The following SMAP1 variants were observed in gnomAD, a reference collection of about 807,000 sequenced individuals.
The protein encoded by SMAP1 is small ArfGAP 1.
In SMAP1, 24 loss-of-function variants were observed where a neutral mutation model predicts 58.5. That is an observed-to-expected ratio of 0.41 (90% CI 0.30 to 0.58). The LOEUF is 0.58. SMAP1 is among the 20% of genes least tolerant of loss of function. The pLI is 0.29. For missense variants in SMAP1, 563 were observed against 566.3 expected (o/e 0.99, Z 0.06); for synonymous variants, 216 against 196.6 (o/e 1.10, Z -0.82).
intron 1 of SMAP1, among the ~76,000 whole-genome samples, chr6:70,698,231 C>G (rs1271593191): frequency 6.6e-6 from 1 of 152,144 alleles, no homozygotes; most frequent in Non-Finnish European, 1.5e-5. Flanking sequence ...ATATCACTTT[C>G]TCCTGGCCTG....
chr6:70,833,124 T>G (rs546403621), intron 6 of SMAP1, among the ~76,000 whole-genome samples: 9 of 152,306 alleles, frequency 5.9e-5, no homozygotes, highest in Admixed American at 5.2e-4. Flanking sequence ...AAAGATTAAG[T>G]ATTTGTTACT....
At chr6:70,728,735 A>G (rs1765290168) in intron 1 of SMAP1, among the ~76,000 whole-genome samples, 1 of 152,362 alleles carries the variant, frequency 6.6e-6, no homozygotes, top group East Asian at 1.9e-4. Flanking sequence ...ATAATCTAAT[A>G]TAGAGGAAAA....
intron 1 of SMAP1, among the ~76,000 whole-genome samples, chr6:70,686,093 A>G (rs888447400): frequency 2.6e-5 from 4 of 151,930 alleles, no homozygotes; most frequent in African/African-American, 9.7e-5. Flanking sequence ...TGATTTTTGT[A>G]TTTTTTTGGT....
rs551121692 is a variant in SMAP1, at chr6:70,781,827, T to A, written c.414+8402T>A. On this transcript the variant is annotated intron_variant, in intron 4 of 10. Transcript: ENST00000370455. Reference sequence around the variant, plus strand: ...TGTAGGTGGGAGTTGGGAACTTGTTTTACGTGGTCAGTTTTTCTTTTGCAT... The same window carrying A: ...TGTAGGTGGGAGTTGGGAACTTGTTATACGTGGTCAGTTTTTCTTTTGCAT... 2.0e-5 allele frequency among the ~76,000 whole-genome samples: 3 copies of A among 152,306 alleles called. No individual in the cohort carries two copies. The East Asian group carries it at 5.8e-4, about 29-fold the overall frequency.
intron 6 of SMAP1, among the ~76,000 whole-genome samples, chr6:70,814,981 T>G (rs1046085006): frequency 6.6e-6 from 1 of 152,274 alleles, no homozygotes; most frequent in South Asian, 2.1e-4. Context: ...TGGACAGATA[T>G]GGAACTAGCT....
At chr6:70,707,959 T>C (rs1340020477) in intron 1 of SMAP1, among the ~76,000 whole-genome samples, 1 of 152,200 alleles carries the variant, frequency 6.6e-6, no homozygotes, top group Non-Finnish European at 1.5e-5. Context: ...ATTTTTGGCA[T>C]GGTAGGAGTA....
At chr6:70,740,882 C>T (rs1765786082) in intron 2 of SMAP1, among the ~76,000 whole-genome samples, 1 of 152,148 alleles carries the variant, frequency 6.6e-6, no homozygotes, top group Non-Finnish European at 1.5e-5. Flanking sequence ...GTGAAAGGCA[C>T]ATCTTACATT....
chr6:70,856,846 G>A lies in SMAP1; in HGVS notation c.790-13G>A. On this transcript the variant is annotated splice_polypyrimidine_tract_variant and intron_variant, in intron 8 of 10. Coordinates refer to ENST00000370455, the MANE Select transcript of SMAP1 (RefSeq NM_001044305.3). ...ATGCAGAATTTGATAGCTTATTTTG[G>A]TGTTTGTCTCAGGGGACACCCTCTG... 2 of 1,583,752 alleles carry A rather than the reference G, an allele frequency of 1.3e-6. No individual in the cohort carries two copies. The highest frequency in any genetic ancestry group is 1.7e-4 in the Middle Eastern group (1 of 5,906).
chr6:70,684,862 A>G (rs187559010), intron 1 of SMAP1, among the ~76,000 whole-genome samples: 151 of 152,320 alleles, frequency 9.9e-4, no homozygotes, highest in Non-Finnish European at 1.4e-3. Context: ...GGATAGGGAA[A>G]ACATGGGCTT....
At chr6:70,746,684 G>A (rs1444916586) in intron 2 of SMAP1, among the ~76,000 whole-genome samples, 1 of 152,050 alleles carries the variant, frequency 6.6e-6, no homozygotes, top group East Asian at 1.9e-4. Flanking sequence ...ATGTTGGCCT[G>A]GTAAAATGAG....
chr6:70,808,368 C>T (rs540821265), intron 6 of SMAP1, among the ~76,000 whole-genome samples: 1 of 152,336 alleles, frequency 6.6e-6, no homozygotes, highest in East Asian at 1.9e-4. Flanking sequence ...TCTTTCACAA[C>T]TACTCTTTTC....
chr6:70,785,854 G>A (rs1767997918), intron 4 of SMAP1, among the ~76,000 whole-genome samples: 1 of 152,158 alleles, frequency 6.6e-6, no homozygotes, highest in African/African-American at 2.4e-5. Context: ...TGGATTCACA[G>A]CCGAATTCTA....
At chr6:70,746,801 C>G (rs1303904491) in intron 2 of SMAP1, among the ~76,000 whole-genome samples, 1 of 152,084 alleles carries the variant, frequency 6.6e-6, no homozygotes, top group African/African-American at 2.4e-5. Context: ...CCATCTGGTC[C>G]TGGATTTTTT....
At chr6:70,735,641 C>T (rs1364576123) in intron 2 of SMAP1, among the ~76,000 whole-genome samples, 1 of 152,090 alleles carries the variant, frequency 6.6e-6, no homozygotes, top group Non-Finnish European at 1.5e-5. Flanking sequence ...TGGTAACACA[C>T]ACCCGTAGTC....
At chr6:70,757,556 AG>A (rs1410002244) in intron 3 of SMAP1, among the ~76,000 whole-genome samples, 1 of 151,650 alleles carries the variant, frequency 6.6e-6, no homozygotes, top group Non-Finnish European at 1.5e-5. Flanking sequence ...GCACAGCAAA[AG>A]AAACTACCAT....
intron 4 of SMAP1, among the ~76,000 whole-genome samples, chr6:70,787,557 A>G (rs1461398387): frequency 6.6e-6 from 1 of 152,330 alleles, no homozygotes; most frequent in Non-Finnish European, 1.5e-5. Flanking sequence ...TCATCTGACA[A>G]AGGGCTAATA....
At chr6:70,690,751 G>C (rs1767131143) in intron 1 of SMAP1, among the ~76,000 whole-genome samples, 1 of 151,154 alleles carries the variant, frequency 6.6e-6, no homozygotes, top group Non-Finnish European at 1.5e-5. Flanking sequence ...TTGTCATGAA[G>C]GGTGTTGAAC....
chr6:70,681,222 C>T (rs956942407), intron 1 of SMAP1, among the ~76,000 whole-genome samples: 1 of 151,898 alleles, frequency 6.6e-6, no homozygotes, highest in Non-Finnish European at 1.5e-5. Flanking sequence ...AGTTCAAGGC[C>T]AGCCTTGGCA....
intron 2 of SMAP1, among the ~76,000 whole-genome samples, chr6:70,735,457 A>G (rs2149865978): frequency 6.6e-6 from 1 of 152,338 alleles, no homozygotes; most frequent in African/African-American, 2.4e-5. Context: ...TATTCATATG[A>G]TATTTTATAA....
Sources: allele counts gnomAD v4.1 joint callset (sites outside exome capture counted in the v4.1 genomes callset), GRCh38; gene constraint gnomAD v4.1.1; transcripts MANE v1.5; gene names NCBI Gene and HGNC (gene_info 2026-07-23, HGNC 2026-07-21).